Variants in MICAL3 observed in about 807,000 individuals in gnomAD.
MICAL3 encodes [F-actin]-monooxygenase MICAL3.
MICAL3 carries 62 observed loss-of-function variants against 207.4 expected under a neutral mutation model. The ratio of observed to expected loss-of-function variants is 0.30; its 90% CI spans 0.24 to 0.37. The LOEUF (loss-of-function observed/expected upper bound fraction) is 0.37. Ranked by LOEUF, MICAL3 falls within the 10% of genes least tolerant of loss-of-function variation. The pLI is 1.00. For synonymous variants in MICAL3, 1,077 were observed against 1,069.3 expected (o/e 1.01, Z -0.14); for missense variants, 2,368 against 2,635.6 (o/e 0.90, Z 2.22).
At chr22:17,955,295 GGA>G (rs1206464992) in intron 1 of MICAL3, among the ~76,000 whole-genome samples, 1 of 152,178 alleles carries the variant, frequency 6.6e-6, no homozygotes, top group African/African-American at 2.4e-5. Flanking sequence ...GATCTGTCCA[GGA>G]GAGACACTGC....
rs1440559071 is a variant in MICAL3 at position 17,901,924 on chromosome 22, T to C, written c.645A>G (p.Glu215=). ...CATCCCCACCGATGATCACTTCAAA[T>C]TCATACTCTGACACAGGATGAGTCT... ...HPKTHPVSEY[E]FEVIIGGDGR... is the part of the protein sequence containing the mutation. The change falls in exon 5 of 32, where the codon GAA becomes GAG. Residue 215 remains glutamate (E), a synonymous_variant. Transcript: ENST00000441493. 1 of 1,613,852 alleles carries C rather than the reference T, an allele frequency of 6.2e-7. No homozygotes were observed. Among genetic ancestry groups the C allele is most frequent in the Non-Finnish European group, 8.5e-7 (1 of 1,179,856 alleles).
intron 16 of MICAL3, 96 bp from the exon 17 acceptor site, chr22:17,872,119 T>C (rs942208783): frequency 8.7e-6 from 9 of 1,039,744 alleles, no homozygotes; most frequent in Non-Finnish European, 1.1e-5. Context: ...AAGCCAACCC[T>C]CACTAAGGGG....
At chr22:17,904,498 A>G (rs1362715982) in intron 3 of MICAL3, 134 bp downstream of exon 3, 13 of 728,014 alleles carry the variant, frequency 1.8e-5, no homozygotes, top group Non-Finnish European at 3.2e-5. Flanking sequence ...TGCACTTACT[A>G]TAAGAAAGAC....
intron 27 of MICAL3, chr22:17,813,958 A>G (rs978514369): frequency 1.3e-5 from 2 of 152,280 alleles, no homozygotes; most frequent in African/African-American, 4.8e-5. Context: ...TGACTTTTTA[A>G]AAGTCTGAAT....
intron 1 of MICAL3, among the ~76,000 whole-genome samples, chr22:17,950,340 T>TG (rs1934279175): frequency 9.3e-6 from 1 of 107,320 alleles, no homozygotes; most frequent in Non-Finnish European, 1.9e-5. Flanking sequence ...TGTTTTTGTT[T>TG]TTTTTTTTTT....
intron 1 of MICAL3, among the ~76,000 whole-genome samples, chr22:17,929,200 C>T (rs1953290948): frequency 6.7e-6 from 1 of 148,266 alleles, no homozygotes; most frequent in African/African-American, 2.5e-5. Context: ...CTGGGTCAAA[C>T]AATTCCCCCT....
chr22:17,874,337 A>G (rs1008991118), intron 16 of MICAL3, among the ~76,000 whole-genome samples: 5 of 152,208 alleles, frequency 3.3e-5, no homozygotes, highest in African/African-American at 1.2e-4. Context: ...AGAGCTGAGC[A>G]GGTAACTTAA....
In MICAL3 at chr22:17,863,121, T is replaced by C. The variant is rs939589034; in HGVS notation, c.2605+1778A>G. ...TAATTCTTTAGAACTCCTAAAAACC[T>C]GAAACCCATTATACTTTCAATTAGA... On this transcript the variant is annotated intron_variant, in intron 19 of 31. Coordinates refer to ENST00000441493, the MANE Select transcript of MICAL3 (RefSeq NM_015241.3). 3.0e-6 allele frequency: 3 copies of C among 985,302 alleles called. No individual in the cohort carries two copies. The African/African-American group carries it at 5.2e-5, about 17-fold the overall frequency. The allele number at this position is 985,302 out of a possible 1,614,324, so 61.0% of individuals were successfully genotyped here.
chr22:17,876,124 A>C (rs1448338444), intron 16 of MICAL3, among the ~76,000 whole-genome samples: 1 of 152,152 alleles, frequency 6.6e-6, no homozygotes, highest in Non-Finnish European at 1.5e-5. Context: ...CTGAATCCCA[A>C]GCAAAGATGA....
chr22:18,001,839 G>A (rs12169819), intron 1 of MICAL3, among the ~76,000 whole-genome samples: 5,941 of 152,308 alleles, frequency 0.039, 408 homozygotes, highest in African/African-American at 0.13. Context: ...ACATGAAGTG[G>A]CCAATGGAGA....
rs373544612 is a variant in MICAL3, at chr22:17,896,802, G to C, written c.1128C>G (p.Ala376=). ...VAMFDFTCMY[A]SENAALVREQ... ...CCCGCACCAAGGCGGCGTTCTCGGAGGCATACATACAAGTGAAGTCAAACA... is the reference window on the plus strand; with the variant it reads ...CCCGCACCAAGGCGGCGTTCTCGGACGCATACATACAAGTGAAGTCAAACA... The change falls in exon 8 of 32, where the codon GCC becomes GCG. Residue 376 remains alanine, a synonymous_variant. Coordinates refer to ENST00000441493, the MANE Select transcript of MICAL3 (RefSeq NM_015241.3). 6 of 1,613,942 alleles carry C rather than the reference G, an allele frequency of 3.7e-6. No individual in the cohort carries two copies. The highest frequency in any genetic ancestry group is 1.3e-5 in the African/African-American group (1 of 74,928).
chr22:17,917,822 GC>G (rs1932629544), intron 1 of MICAL3, among the ~76,000 whole-genome samples: 1 of 152,154 alleles, frequency 6.6e-6, no homozygotes, highest in Admixed American at 6.5e-5. Context: ...AGGGAAGAAG[GC>G]CCCGCCCCTG....
At chr22:17,800,736 G>A (rs928670321) in intron 29 of MICAL3, among the ~76,000 whole-genome samples, 5 of 152,228 alleles carry the variant, frequency 3.3e-5, no homozygotes, top group African/African-American at 4.8e-5. Flanking sequence ...ATGGGGCTTC[G>A]GGGTGGCCTT....
intron 28 of MICAL3, among the ~76,000 whole-genome samples, 170 bp from the exon 29 acceptor site, chr22:17,809,107 A>G (rs1431890127): frequency 6.6e-6 from 1 of 152,196 alleles, no homozygotes; most frequent in Non-Finnish European, 1.5e-5. Flanking sequence ...CACCAGAACC[A>G]CCTAGCTTGT....
At chr22:17,853,061 C>G (rs898781140) in intron 19 of MICAL3, among the ~76,000 whole-genome samples, 1 of 145,722 alleles carries the variant, frequency 6.9e-6, no homozygotes, top group Non-Finnish European at 1.5e-5. Flanking sequence ...GGTGACAGAG[C>G]GAGACTCCAT....
rs752546308 is a variant in MICAL3, at chr22:17,886,065, A to G, written c.2068-14T>C. On this transcript the variant is annotated splice_polypyrimidine_tract_variant and intron_variant, in intron 15 of 31. Transcript: ENST00000441493. ...AGGAGCTTCCTCCTGGTCAATGCCAACCCCAAAGAACCCGGCGCTGTGACA... is the reference window on the plus strand; with the variant it reads ...AGGAGCTTCCTCCTGGTCAATGCCAGCCCCAAAGAACCCGGCGCTGTGACA... 3.1e-6 allele frequency: 5 copies of G among 1,612,786 alleles called. No individual in the cohort carries two copies. The highest frequency in any genetic ancestry group is 4.2e-6 in the Non-Finnish European group (5 of 1,179,558).
chr22:17,875,002 C>T (rs368418470), intron 16 of MICAL3, among the ~76,000 whole-genome samples: 2 of 152,218 alleles, frequency 1.3e-5, no homozygotes, highest in Admixed American at 6.5e-5. Context: ...AGGTGACAGC[C>T]GCGTACATTC....
chr22:17,842,265 T>C lies in MICAL3; in HGVS notation c.2606-248A>G, dbSNP rs1033187469. ...GAGCGTTCTCTCTCCTTCATCACCC[T>C]GAACCCGGCCCCCAGAGGGGAGACG... On this transcript the variant is annotated intron_variant, in intron 19 of 31. Transcript: ENST00000441493. 24 of 545,982 alleles carry C rather than the reference T, an allele frequency of 4.4e-5. No individual in the cohort carries two copies. In the Middle Eastern group the frequency reaches 1.5e-3, roughly 33 times the overall value. The allele number at this position is 545,982 out of a possible 1,614,324, so 33.8% of individuals were successfully genotyped here. A position where few individuals can be genotyped will look rare whatever the true frequency, so the allele number is the denominator to read the frequency against.
chr22:17,822,119 G>C lies in MICAL3; in HGVS notation c.3359C>G (p.Pro1120Arg). 6.2e-7 allele frequency: 1 copy of C among 1,613,818 alleles called. No homozygotes were observed. The highest frequency in any genetic ancestry group is 8.5e-7 in the Non-Finnish European group (1 of 1,179,880). The change falls in exon 24 of 32, where the codon CCG (proline) becomes CGG (arginine). Residue 1120 changes from proline (P) to arginine (R), a missense_variant. By Grantham distance (103) the Pro-to-Arg change is moderately radical. Around this residue, in one of 4 missense-constraint regions of MICAL3, gnomAD observed 1,770 missense variants for 1,863.2 expected, o/e 0.95. Transcript: ENST00000441493. The part of the protein sequence containing the change: ...PSDADRELRL[P>R]CPAEGEAELE... ...CTCTGCTTCCCCCTCAGCTGGGCAC[G>C]GCAAACGCAGCTCTCTGTCAGCATC...
Sources: allele counts gnomAD v4.1 joint callset (sites outside exome capture counted in the v4.1 genomes callset), GRCh38; gene constraint gnomAD v4.1.1; regional missense constraint gnomAD v4.1.1; transcripts MANE v1.5; gene names NCBI Gene and HGNC (gene_info 2026-07-23, HGNC 2026-07-21).